Variants in DIPK1A observed in about 807,000 individuals in gnomAD.
DIPK1A encodes the protein divergent protein kinase domain 1A.
Under a neutral mutation model 40.8 loss-of-function variants are expected in DIPK1A, and 27 were observed. That is an observed-to-expected ratio of 0.66 (90% CI 0.49 to 0.91). The LOEUF is 0.91. Ranked by LOEUF, DIPK1A falls within the 40% of genes least tolerant of loss-of-function variation. DIPK1A has a pLI of 0.00. For synonymous variants in DIPK1A, 166 were observed against 171.3 expected (o/e 0.97, Z 0.24); for missense variants, 412 against 505.7 (o/e 0.81, Z 1.78).
chr1:92,884,444 C>G (rs1225755002), intron 1 of DIPK1A, among the ~76,000 whole-genome samples: 3 of 151,824 alleles, frequency 2.0e-5, no homozygotes. Flanking sequence ...CAGAGCAAGA[C>G]CCTGTCTTAA....
At chr1:92,908,829 C>A (rs1332680196) in intron 1 of DIPK1A, among the ~76,000 whole-genome samples, 4 of 152,090 alleles carry the variant, frequency 2.6e-5, no homozygotes, top group African/African-American at 9.7e-5. Context: ...AGGAGAGACA[C>A]CAACTCCGCT....
At chr1:92,870,071 TATATACACACACACACACAC>T (rs1427820097) in intron 2 of DIPK1A, among the ~76,000 whole-genome samples, 7 of 30,310 alleles carry the variant, frequency 2.3e-4, no homozygotes, top group Non-Finnish European at 5.1e-4. Flanking sequence ...ACATGAATTA[TATATACACACACACACACAC>T]ACACACACAC....
chr1:92,948,645 A>G (rs1651469528), intron 1 of DIPK1A, among the ~76,000 whole-genome samples: 1 of 145,190 alleles, frequency 6.9e-6, no homozygotes, highest in African/African-American at 2.5e-5. Flanking sequence ...TGTATTTAAT[A>G]TATATACGTA....
downstream of DIPK1A, chr1:92,840,746 G>T (rs759055802): frequency 7.0e-6 from 6 of 853,798 alleles, no homozygotes; most frequent in Non-Finnish European, 1.2e-5. Context: ...AGCTCTGCGT[G>T]ATGTGGCAGA....
At chr1:92,895,857 A>G (rs1253179020) in intron 1 of DIPK1A, among the ~76,000 whole-genome samples, 1 of 152,132 alleles carries the variant, frequency 6.6e-6, no homozygotes, top group African/African-American at 2.4e-5. Flanking sequence ...TTATACACCA[A>G]TAACAGACAA....
chr1:92,844,975 C>T (rs1454799318), intron 4 of DIPK1A, among the ~76,000 whole-genome samples: 8 of 133,780 alleles, frequency 6.0e-5, no homozygotes, highest in Non-Finnish European at 1.1e-4. Flanking sequence ...GACGGAGTCT[C>T]GCTCTTTCGC....
intron 1 of DIPK1A, among the ~76,000 whole-genome samples, chr1:92,938,633 G>T (rs1475128630): frequency 6.6e-6 from 1 of 152,032 alleles, no homozygotes; most frequent in African/African-American, 2.4e-5. Context: ...ATGTATTTTT[G>T]GAAAGTCATT....
At chr1:92,844,858 G>C (rs902593391) in intron 4 of DIPK1A, among the ~76,000 whole-genome samples, 3 of 151,246 alleles carry the variant, frequency 2.0e-5, no homozygotes, top group East Asian at 3.9e-4. Context: ...TAAAAAATTT[G>C]AGTGAAAATA....
chr1:92,843,162 G>A lies in DIPK1A; in HGVS notation c.*221C>T, dbSNP rs911013740. The A allele has an allele frequency of 2.3e-5, 30 of 1,277,146 alleles. No homozygotes were observed. The highest frequency in any genetic ancestry group is 1.2e-4 in the African/African-American group (8 of 65,004). 79.1% of individuals were successfully genotyped at this position (1,277,146 alleles called of 1,614,324 possible). Reference sequence around the variant, plus strand: ...AATAGTTACACAATGAATGTACTTCGGAGATGTAACAGGGCTTCTAAAAGG... The same window carrying A: ...AATAGTTACACAATGAATGTACTTCAGAGATGTAACAGGGCTTCTAAAAGG... On this transcript the variant is annotated 3_prime_UTR_variant, in exon 5 of 5. Transcript: ENST00000370310.
chr1:92,833,744 A>T, intron 4 of DIPK1A: 1 of 1,100,088 alleles, frequency 9.1e-7, no homozygotes. Context: ...TGTGTGTTAG[A>T]AGGGCTGTCT....
At position 92,843,200 on chromosome 1, in the gene DIPK1A, T is replaced by A; in HGVS notation, c.*183A>T. ...GGCTTCTAAAAGGGCAGGAATGACA[T>A]CTTGGGGACCTGTTGATCCTACACC... On this transcript the variant is annotated 3_prime_UTR_variant, in exon 5 of 5. Coordinates refer to ENST00000370310, the MANE Select transcript of DIPK1A (RefSeq NM_001006605.5). 7.3e-7 allele frequency: 1 copy of A among 1,368,124 alleles called. No individual in the cohort carries two copies. The highest frequency in any genetic ancestry group is 9.5e-7 in the Non-Finnish European group (1 of 1,057,692). The allele number at this position is 1,368,124 out of a possible 1,614,324, so 84.7% of individuals were successfully genotyped here.
chr1:92,937,589 T>C (rs1332405267), intron 1 of DIPK1A, among the ~76,000 whole-genome samples: 3 of 152,204 alleles, frequency 2.0e-5, no homozygotes, highest in Non-Finnish European at 4.4e-5. Flanking sequence ...ATGAACCAAC[T>C]ATTGCCAAAG....
chr1:92,855,538 A>T (rs1390646210), intron 2 of DIPK1A, among the ~76,000 whole-genome samples: 15 of 146,760 alleles, frequency 1.0e-4, no homozygotes, highest in South Asian at 6.5e-4. Context: ...ATATCTAAAA[A>T]TTTTTTTTTT....
At chr1:92,851,272 C>T (rs1427990426) in intron 2 of DIPK1A, among the ~76,000 whole-genome samples, 1 of 151,854 alleles carries the variant, frequency 6.6e-6, no homozygotes, top group African/African-American at 2.4e-5. Context: ...GGCCAGGCAC[C>T]GTGGCTCACG....
chr1:92,882,641 G>A (rs1256280637), intron 1 of DIPK1A, among the ~76,000 whole-genome samples: 2 of 152,118 alleles, frequency 1.3e-5, no homozygotes, highest in Admixed American at 1.3e-4. Flanking sequence ...GATACATATA[G>A]CCAGTTTGTT....
At chr1:92,838,369 C>T (rs978307299), downstream of DIPK1A, among the ~76,000 whole-genome samples, 1 of 152,138 alleles carries the variant, frequency 6.6e-6, no homozygotes, top group Non-Finnish European at 1.5e-5. Context: ...TGACTTCATC[C>T]TGGTAAAGAG....
chr1:92,861,727 T>C (rs953548720), intron 2 of DIPK1A, among the ~76,000 whole-genome samples: 1 of 152,134 alleles, frequency 6.6e-6, no homozygotes, highest in African/African-American at 2.4e-5. Context: ...CACACTGTTT[T>C]AAAACTCTTT....
chr1:92,869,841 G>A (rs1450399148), intron 2 of DIPK1A, among the ~76,000 whole-genome samples: 5 of 152,054 alleles, frequency 3.3e-5, no homozygotes, highest in African/African-American at 1.2e-4. Context: ...AATACAGAGG[G>A]AGAGAGGCAA....
In DIPK1A at chr1:92,929,375, C is replaced by T. The variant is rs754133260; in HGVS notation, c.54+32001G>A. On this transcript the variant is annotated intron_variant, in intron 1 of 4. Transcript: ENST00000370310. ...CTCTTCTCCATTCTTTTAGCTTCCA[C>T]GTGCTGCTTTTTCATTGCATTTCCT... Among the ~76,000 whole-genome samples, 74 of 152,316 alleles carry T rather than the reference C, an allele frequency of 4.9e-4. No homozygotes were observed. The Middle Eastern group carries it at 0.017, about 35-fold the overall frequency.
Sources: gnomAD v4.1 joint callset for allele counts (sites outside exome capture counted in the v4.1 genomes callset) on GRCh38, gnomAD v4.1.1 for gene constraint, MANE v1.5 for transcripts, NCBI Gene and HGNC (gene_info 2026-07-23, HGNC 2026-07-21) for gene names.